The following ZNF665 variants were observed in gnomAD, a reference collection of about 807,000 sequenced individuals.
ZNF665 encodes the protein zinc finger protein 665.
A neutral mutation model predicts 7.9 loss-of-function variants in ZNF665; 6 were observed. That is an observed-to-expected ratio of 0.76 (90% confidence interval 0.42 to 1.50). The LOEUF (loss-of-function observed/expected upper bound fraction) is 1.50, where lower values mean the gene tolerates loss of function less well. Among genes scored for constraint, ZNF665 ranks in the 40% most tolerant of loss-of-function variants. The probability of loss-of-function intolerance (pLI) is 0.01; values close to 1 mark genes in which losing one functional copy is unlikely to be tolerated. For missense variants in ZNF665, 819 were observed against 806.7 expected (o/e 1.02, Z -0.18); for synonymous variants, 242 against 274.5 (o/e 0.88, Z 1.17).
chr19:53,165,534 T>G lies in ZNF665; in HGVS notation c.956A>C (p.Lys319Thr), dbSNP rs960285164. Residue 319 changes from lysine (K) to threonine (T), a missense_variant, in exon 4 of 4, where the codon AAG (lysine) becomes ACG (threonine). By Grantham distance (78) the Lys-to-Thr change is moderately conservative (BLOSUM62 -1). Coordinates refer to ENST00000396424, the MANE Select transcript of ZNF665 (RefSeq NM_024733.5). ...RRIHTGEKPY[K>T]CNECGKAFSV... is the part of the protein sequence containing the mutation. ...AAAGGCTTTGCCACACTCATTACAC[T>G]TGTAAGGCTTCTCCCCAGTATGAAT... The G allele has an allele frequency of 1.2e-6, 2 of 1,613,890 alleles. No homozygotes were observed. Among genetic ancestry groups the G allele is most frequent in the Non-Finnish European group, 1.7e-6 (2 of 1,179,980 alleles).
intron 1 of ZNF665, among the ~76,000 whole-genome samples, chr19:53,184,093 T>C (rs1329357305): frequency 6.6e-6 from 1 of 151,642 alleles, no homozygotes; most frequent in East Asian, 1.9e-4. Flanking sequence ...GTAAAAAAGG[T>C]ACAAAATTTA....
chr19:53,179,284 G>A (rs1180731061), intron 2 of ZNF665, among the ~76,000 whole-genome samples: 3 of 150,862 alleles, frequency 2.0e-5, no homozygotes, highest in African/African-American at 4.9e-5. Context: ...GCTGAGGCAG[G>A]AGAATGGCAT....
intron 2 of ZNF665, 31 bp from the exon 3 acceptor site, chr19:53,175,602 CTA>C (rs2090691960): frequency 6.4e-7 from 1 of 1,573,218 alleles, no homozygotes; most frequent in South Asian, 1.2e-5. Context: ...CACCAAGTGA[CTA>C]TGAGGAAAAT....
At chr19:53,174,491 T>C (rs867773766) in intron 3 of ZNF665, among the ~76,000 whole-genome samples, 1 of 152,188 alleles carries the variant, frequency 6.6e-6, no homozygotes, top group East Asian at 1.9e-4. Flanking sequence ...TCTAATGAGA[T>C]GCTTTCTCCC....
chr19:53,180,193 G>A (rs1470003210), intron 2 of ZNF665, among the ~76,000 whole-genome samples: 1 of 152,118 alleles, frequency 6.6e-6, no homozygotes, highest in Non-Finnish European at 1.5e-5. Flanking sequence ...AGCACTTTGG[G>A]AGGCCGAGTT....
At chr19:53,182,984 T>C in intron 1 of ZNF665, 41 bp from the exon 2 acceptor site, 1 of 1,570,540 alleles carries the variant, frequency 6.4e-7, no homozygotes, top group Admixed American at 1.7e-5. Flanking sequence ...CAATCCTGAA[T>C]GTCAAAAATA....
chr19:53,167,450 C>A (rs1024925999), intron 3 of ZNF665, among the ~76,000 whole-genome samples: 2 of 131,844 alleles, frequency 1.5e-5, no homozygotes, highest in Non-Finnish European at 3.4e-5. Context: ...GGATTGTCAA[C>A]AATTTCTCTC....
intron 3 of ZNF665, among the ~76,000 whole-genome samples, chr19:53,175,133 G>A (rs1599877369): frequency 6.6e-6 from 1 of 152,206 alleles, no homozygotes; most frequent in South Asian, 2.1e-4. Context: ...ACCACACTAC[G>A]CAGATATCTA....
chr19:53,171,223 T>G (rs1227060694), intron 3 of ZNF665, among the ~76,000 whole-genome samples: 1 of 152,018 alleles, frequency 6.6e-6, no homozygotes, highest in Admixed American at 6.6e-5. Context: ...TGGCCTCACA[T>G]GATCTGCCTA....
At chr19:53,169,679 C>A (rs919712811) in intron 3 of ZNF665, among the ~76,000 whole-genome samples, 6 of 151,672 alleles carry the variant, frequency 4.0e-5, no homozygotes, top group Non-Finnish European at 5.9e-5. Context: ...CCTATCCCTC[C>A]CCCTTCCCCC....
At chr19:53,182,835 G>T in intron 2 of ZNF665, 49 bp downstream of exon 2, 1 of 1,613,320 alleles carries the variant, frequency 6.2e-7, no homozygotes, top group Non-Finnish European at 8.5e-7. Flanking sequence ...AAGGTCCAAG[G>T]TTTCTGAAAG....
chr19:53,167,604 G>A (rs1486241957), intron 3 of ZNF665, among the ~76,000 whole-genome samples: 3 of 150,124 alleles, frequency 2.0e-5, no homozygotes, highest in Admixed American at 1.3e-4. Context: ...CCGCCACCGC[G>A]CCCGGCTAAT....
intron 3 of ZNF665, among the ~76,000 whole-genome samples, chr19:53,173,558 A>T (rs2090674970): frequency 6.6e-6 from 1 of 151,830 alleles, no homozygotes; most frequent in Non-Finnish European, 1.5e-5. Context: ...TATTTTTAGT[A>T]GAGACAGCAT....
chr19:53,189,040 G>C (rs1231001490), intron 1 of ZNF665, among the ~76,000 whole-genome samples: 2 of 113,988 alleles, frequency 1.8e-5, no homozygotes, highest in African/African-American at 8.1e-5. Flanking sequence ...GAGAAAGAAA[G>C]GCTTTATTTT....
At chr19:53,174,326 T>C (rs530891932) in intron 3 of ZNF665, among the ~76,000 whole-genome samples, 28 of 152,344 alleles carry the variant, frequency 1.8e-4, no homozygotes, top group Admixed American at 4.6e-4. Flanking sequence ...CTCTTTGGGC[T>C]GTAGCGCCAC....
At chr19:53,190,915 C>G (rs776676102) in intron 1 of ZNF665, among the ~76,000 whole-genome samples, 2 of 139,196 alleles carry the variant, frequency 1.4e-5, no homozygotes, top group Admixed American at 7.0e-5. Context: ...GCCTGGGTGA[C>G]AGAGCAAGAC....
intron 2 of ZNF665, among the ~76,000 whole-genome samples, chr19:53,176,342 T>G (rs563905155): frequency 6.6e-6 from 1 of 152,196 alleles, no homozygotes; most frequent in Non-Finnish European, 1.5e-5. Flanking sequence ...ATTAAGGTTC[T>G]GAGGAGCATC....
chr19:53,171,520 A>ATTTT (rs1233778767), intron 3 of ZNF665, among the ~76,000 whole-genome samples: 116 of 82,724 alleles, frequency 1.4e-3, no homozygotes, highest in African/African-American at 5.6e-3. Flanking sequence ...ATATATATAT[A>ATTTT]TATATTTTTT....
intron 2 of ZNF665, among the ~76,000 whole-genome samples, chr19:53,176,364 A>G (rs2090698156): frequency 6.6e-6 from 1 of 152,128 alleles, no homozygotes; most frequent in Admixed American, 6.5e-5. Context: ...GGGACAGATG[A>G]TAACATGGAG....
Sources: gnomAD v4.1 joint callset for allele counts (sites outside exome capture counted in the v4.1 genomes callset) on GRCh38, gnomAD v4.1.1 for gene constraint, MANE v1.5 for transcripts, NCBI Gene and HGNC (gene_info 2026-07-23, HGNC 2026-07-21) for gene names.